Variants in PCDH11X observed in about 807,000 individuals in gnomAD.
PCDH11X encodes the protein protocadherin-11 X-linked.
In PCDH11X, 18 loss-of-function variants were observed where a neutral mutation model predicts 53.3. That is an observed-to-expected ratio of 0.34 (90% confidence interval 0.23 to 0.50). PCDH11X has a LOEUF of 0.50. PCDH11X is among the 20% of genes least tolerant of loss of function. PCDH11X has a pLI of 0.98. For missense variants in PCDH11X, 570 were observed against 1,032.4 expected (o/e 0.55, Z 6.14); for synonymous variants, 279 against 393.3 (o/e 0.71, Z 3.44).
At chrX:92,045,314 A>C (rs1217821982) in intron 6 of PCDH11X, among the ~76,000 whole-genome samples, 3 of 100,287 alleles carry the variant, frequency 3.0e-5, no homozygotes, top group Non-Finnish European at 5.9e-5. Flanking sequence ...ATGAAGATAA[A>C]GTCTGGACCA....
chrX:91,860,577 C>T (rs1327232768), intron 5 of PCDH11X, among the ~76,000 whole-genome samples: 1 of 111,711 alleles, frequency 9.0e-6, no homozygotes, highest in Non-Finnish European at 1.9e-5. Context: ...TTTGCCCATT[C>T]AATATGATAT....
chrX:92,534,261 A>T (rs975123109), intron 10 of PCDH11X, among the ~76,000 whole-genome samples: 4 of 111,540 alleles, frequency 3.6e-5, no homozygotes, highest in Non-Finnish European at 7.5e-5. Context: ...ATGCATGCAC[A>T]AGCTTCAGTA....
intron 4 of PCDH11X, among the ~76,000 whole-genome samples, chrX:91,814,023 A>T (rs1306462081): frequency 9.4e-6 from 1 of 106,349 alleles, no homozygotes; most frequent in Non-Finnish European, 2.0e-5. Flanking sequence ...CAAAATCATG[A>T]TGCCATAGTT....
chrX:92,425,400 T>C (rs1451893073), intron 9 of PCDH11X, among the ~76,000 whole-genome samples: 1 of 106,920 alleles, frequency 9.4e-6, no homozygotes, highest in African/African-American at 3.4e-5. Flanking sequence ...GTGATATGTG[T>C]GTATCCTTCT....
At chrX:91,904,524 A>T (rs1941077211) in intron 6 of PCDH11X, among the ~76,000 whole-genome samples, 1 of 111,301 alleles carries the variant, frequency 9.0e-6, no homozygotes, top group Admixed American at 9.6e-5. Context: ...AAAATAGTAT[A>T]AATTAATTGT....
rs1569422636 is a variant in PCDH11X at position 91,877,326 on chromosome X, T to A, written c.1086T>A (p.Asn362Lys). The A allele has an allele frequency of 8.5e-7, 1 of 1,174,124 alleles. No individual in the cohort carries two copies. The highest frequency in any genetic ancestry group is 2.3e-5 in the Admixed American group (1 of 44,061). ...CCATTGACATAAGATACATCGTCAA[T>A]CCTGTCAATGACACAGTTGTTCTTT... Reference protein sequence around the residue: ...VPSIDIRYIVNPVNDTVVLSE... With the variant: ...VPSIDIRYIVKPVNDTVVLSE... The change falls in exon 6 of 11, where the codon AAT becomes AAA. Residue 362 changes from asparagine (N) to lysine (K), a missense_variant. Around this residue, in one of 6 missense-constraint regions of PCDH11X, gnomAD observed 226 missense variants for 457.5 expected, o/e 0.49. Coordinates refer to ENST00000682573, the MANE Select transcript of PCDH11X (RefSeq NM_032968.5).
At chrX:91,902,259 C>G (rs895956836) in intron 6 of PCDH11X, among the ~76,000 whole-genome samples, 8 of 110,595 alleles carry the variant, frequency 7.2e-5, no homozygotes, top group African/African-American at 9.8e-5. Context: ...AATCTAGTCT[C>G]TATCCCCTCC....
chrX:92,267,113 G>A (rs1481639538), intron 8 of PCDH11X, among the ~76,000 whole-genome samples: 3 of 111,722 alleles, frequency 2.7e-5, no homozygotes, highest in Non-Finnish European at 3.8e-5. Flanking sequence ...AAATTTCCTC[G>A]TATGAATACA....
chrX:92,113,617 C>T lies in PCDH11X; in HGVS notation c.3034-87758C>T, dbSNP rs377237645. 34 of 1,195,198 alleles carry T rather than the reference C, an allele frequency of 2.8e-5. 2 individuals carry two copies. The East Asian group carries it at 5.1e-4, about 18-fold the overall frequency. On this transcript the variant is annotated intron_variant, in intron 6 of 10. Transcript: ENST00000682573. ...CTCGGTGAGCCAGTCCACCTTCCTCCGGGTATTGATGAAGATGACTGCCTG... is the reference window on the plus strand; with the variant it reads ...CTCGGTGAGCCAGTCCACCTTCCTCTGGGTATTGATGAAGATGACTGCCTG...
intron 5 of PCDH11X, among the ~76,000 whole-genome samples, chrX:91,855,401 T>C (rs1274157108): frequency 9.0e-6 from 1 of 110,762 alleles, no homozygotes; most frequent in Admixed American, 9.6e-5. Context: ...TTACTATAGC[T>C]CTGTAGTATA....
At chrX:92,039,208 A>C (rs1038067019) in intron 6 of PCDH11X, among the ~76,000 whole-genome samples, 1 of 110,366 alleles carries the variant, frequency 9.1e-6, no homozygotes, top group Admixed American at 9.6e-5. Flanking sequence ...CACTGTAACC[A>C]CTACCAGGCT....
intron 8 of PCDH11X, among the ~76,000 whole-genome samples, chrX:92,264,272 A>G (rs2067777738): frequency 8.9e-6 from 1 of 111,940 alleles, no homozygotes; most frequent in African/African-American, 3.2e-5. Context: ...TAACAGCATC[A>G]GAGAGTTGTA....
At chrX:92,143,604 TAGA>T (rs2065223426) in intron 6 of PCDH11X, among the ~76,000 whole-genome samples, 1 of 112,435 alleles carries the variant, frequency 8.9e-6, no homozygotes, top group South Asian at 3.7e-4. Flanking sequence ...GCCTAGAATT[TAGA>T]AGAAGATGTA....
chrX:92,227,312 T>C (rs975141026), intron 7 of PCDH11X, among the ~76,000 whole-genome samples: 10 of 111,242 alleles, frequency 9.0e-5, no homozygotes, highest in Non-Finnish European at 1.3e-4. Flanking sequence ...TTCCTGGCAT[T>C]GCTTAGTGTT....
At chrX:92,342,122 C>T (rs150644662) in intron 8 of PCDH11X, among the ~76,000 whole-genome samples, 481 of 111,559 alleles carry the variant, frequency 4.3e-3, no homozygotes, top group African/African-American at 0.014. Context: ...AGAAGCAAAT[C>T]AAAACCACAA....
intron 9 of PCDH11X, among the ~76,000 whole-genome samples, chrX:92,451,585 C>T (rs1198438286): frequency 1.8e-5 from 2 of 110,888 alleles, no homozygotes; most frequent in Non-Finnish European, 3.8e-5. Flanking sequence ...CCGATTATTT[C>T]CGTTACAGGG....
At chrX:92,251,486 T>A (rs73245236) in intron 7 of PCDH11X, among the ~76,000 whole-genome samples, 2,783 of 111,105 alleles carry the variant, frequency 0.025, 35 homozygotes, top group Non-Finnish European at 0.035. Flanking sequence ...TTTTTAAGAA[T>A]GTAAACTTTA....
intron 9 of PCDH11X, among the ~76,000 whole-genome samples, chrX:92,451,515 T>G (rs2072779631): frequency 9.9e-6 from 1 of 100,712 alleles, no homozygotes; most frequent in Admixed American, 1.0e-4. Context: ...AAAATGTGTT[T>G]CAATCATTCA....
chrX:92,038,132 A>T (rs2476095), intron 6 of PCDH11X, among the ~76,000 whole-genome samples: 1 of 111,354 alleles, frequency 9.0e-6, no homozygotes, highest in Non-Finnish European at 1.9e-5. Flanking sequence ...ACAATGTAAT[A>T]GAAAAGAAAA....
Sources: gnomAD v4.1 joint callset for allele counts (sites outside exome capture counted in the v4.1 genomes callset) on GRCh38, gnomAD v4.1.1 for gene constraint, gnomAD v4.1.1 regional missense constraint, MANE v1.5 for transcripts, NCBI Gene and HGNC (gene_info 2026-07-23, HGNC 2026-07-21) for gene names.